The following ERBB4 variants were observed in gnomAD, a reference collection of about 807,000 sequenced individuals.
The protein encoded by ERBB4 is erb-b2 receptor tyrosine kinase 4, also known as receptor tyrosine-protein kinase erbB-4.
A neutral mutation model predicts 158.0 loss-of-function variants in ERBB4; 42 were observed. That is an observed-to-expected ratio of 0.27 (90% CI 0.21 to 0.34). The LOEUF (loss-of-function observed/expected upper bound fraction) is 0.34, where lower values mean the gene tolerates loss of function less well. Among genes scored for constraint, ERBB4 ranks in the 10% least tolerant of loss-of-function variants. The pLI is 1.00. For synonymous variants in ERBB4, 583 were observed against 558.7 expected (o/e 1.04, Z -0.61); for missense variants, 1,333 against 1,624.1 (o/e 0.82, Z 3.08).
At chr2:212,203,583 A>G (rs1237647481) in intron 1 of ERBB4, among the ~76,000 whole-genome samples, 2 of 152,226 alleles carry the variant, frequency 1.3e-5, no homozygotes, top group African/African-American at 2.4e-5. Context: ...GAATCATTCT[A>G]TACTTTGGAA....
At position 211,376,494 on chromosome 2, in the gene ERBB4, C is replaced by T. The variant is rs1419478641; in HGVS notation, c.*7121G>A. 8.6e-6 allele frequency: 2 copies of T among 232,490 alleles called. No individual in the cohort carries two copies. The highest frequency in any genetic ancestry group is 4.4e-5 in the African/African-American group (2 of 45,256). The allele number at this position is 232,490 out of a possible 1,614,324, so 14.4% of individuals were successfully genotyped here. On this transcript the variant is annotated 3_prime_UTR_variant, in exon 28 of 28. Coordinates refer to ENST00000342788, the MANE Select transcript of ERBB4 (RefSeq NM_005235.3). ...TTTGAATGCAGGGATTTAAATAAAA[C>T]ATTGATGGCTTACCAGCAAGGTATT...
At chr2:211,630,440 A>C (rs763449606) in intron 17 of ERBB4, 22 bp downstream of exon 17, 1 of 1,612,926 alleles carries the variant, frequency 6.2e-7, no homozygotes, top group Non-Finnish European at 8.5e-7. Context: ...AAACACATGA[A>C]GAGGAGAAAG....
At position 211,953,420 on chromosome 2, in the gene ERBB4, C is replaced by T. The variant is rs2080933690; in HGVS notation, c.235-5804G>A. ...AATAAAACAAAATAAAATCTAATTT[C>T]TGAGTTACTGGCGATGTCTTTGATA... On this transcript the variant is annotated intron_variant, in intron 2 of 27. Transcript: ENST00000342788. Among the ~76,000 whole-genome samples the T allele has an allele frequency of 2.9e-5, 4 of 136,936 alleles. No homozygotes were observed. The Admixed American group carries it at 3.2e-4, about 11-fold the overall frequency. 89.8% of individuals were successfully genotyped at this position (136,936 alleles called of 152,430 possible). A position where few individuals can be genotyped will look rare whatever the true frequency, so the allele number is the denominator to read the frequency against.
intron 25 of ERBB4, among the ~76,000 whole-genome samples, chr2:211,394,836 G>A (rs1402995459): frequency 6.6e-6 from 1 of 152,034 alleles, no homozygotes. Flanking sequence ...CACAGACCTA[G>A]AACAAATGGT....
intron 1 of ERBB4, among the ~76,000 whole-genome samples, chr2:212,130,187 A>G (rs1430517346): frequency 6.6e-6 from 1 of 152,148 alleles, no homozygotes. Context: ...CAATACTATT[A>G]TAAAGTCCTT....
chr2:211,436,666 T>G (rs1043211429), intron 20 of ERBB4, among the ~76,000 whole-genome samples: 2 of 152,188 alleles, frequency 1.3e-5, no homozygotes, highest in Admixed American at 1.3e-4. Flanking sequence ...TTTCAGAAAA[T>G]CTGTGAACCT....
chr2:212,098,871 T>G (rs1039668963), intron 2 of ERBB4, among the ~76,000 whole-genome samples: 2 of 152,158 alleles, frequency 1.3e-5, no homozygotes, highest in African/African-American at 4.8e-5. Flanking sequence ...TATTCAGGAA[T>G]GATGCAGAAA....
At chr2:212,275,649 G>A (rs1402549575) in intron 1 of ERBB4, among the ~76,000 whole-genome samples, 1 of 151,760 alleles carries the variant, frequency 6.6e-6, no homozygotes, top group Non-Finnish European at 1.5e-5. Context: ...TTACCACCAG[G>A]CCTGCCTTAC....
Position 212,467,261 on chromosome 2 carries a change from G to A in ERBB4, c.82+71188C>T, listed in dbSNP as rs111582297. 7.8e-3 allele frequency among the ~76,000 whole-genome samples: 1,183 copies of A among 152,242 alleles called. 22 individuals carry two copies. Among genetic ancestry groups the A allele is most frequent in the African/African-American group, 0.027 (1,110 of 41,540 alleles). ...AAATTTGCATAAGTAATGAGGAGCC[G>A]AATGTTAATCACCAAGACAATGGGG... On this transcript the variant is annotated intron_variant, in intron 1 of 27. Transcript: ENST00000342788.
rs78155890 is a variant in ERBB4, at chr2:211,958,811, A to T, written c.235-11195T>A. Among the ~76,000 whole-genome samples the T allele has an allele frequency of 6.7e-3, 1,024 of 152,194 alleles. 3 individuals are homozygous for T. Among genetic ancestry groups the T allele is most frequent in the Non-Finnish European group, 0.012 (834 of 67,976 alleles). ...GAAAAATATTAGCTAAGAAAGAGTA[A>T]TTTCTCAAAAGTAACTGCAGCATGC... On this transcript the variant is annotated intron_variant, in intron 2 of 27. Transcript: ENST00000342788.
At chr2:211,987,940 T>C (rs559374435) in intron 2 of ERBB4, among the ~76,000 whole-genome samples, 9 of 152,296 alleles carry the variant, frequency 5.9e-5, no homozygotes, top group African/African-American at 2.2e-4. Flanking sequence ...AAGTTCAACA[T>C]TTCTAAGAGC....
intron 1 of ERBB4, among the ~76,000 whole-genome samples, chr2:212,357,834 G>A (rs1249590599): frequency 6.6e-6 from 1 of 151,782 alleles, no homozygotes; most frequent in African/African-American, 2.4e-5. Context: ...TGGTGTGGGG[G>A]GACAAAGTAT....
chr2:211,554,696 C>G (rs2125708191), intron 20 of ERBB4, among the ~76,000 whole-genome samples: 1 of 152,300 alleles, frequency 6.6e-6, no homozygotes, highest in South Asian at 2.1e-4. Flanking sequence ...TGGCTTTTAA[C>G]TGGAACCCAA....
In ERBB4 at chr2:212,092,154, G is replaced by A. The variant is rs989191232; in HGVS notation, c.234+32598C>T. On this transcript the variant is annotated intron_variant, in intron 2 of 27. Coordinates refer to ENST00000342788, the MANE Select transcript of ERBB4 (RefSeq NM_005235.3). ...AAAACTGCCTAATTATGATCATTGT[G>A]TGTACATAATTTTCATGTATTTTGT... Among the ~76,000 whole-genome samples, 4 of 152,146 alleles carry A rather than the reference G, an allele frequency of 2.6e-5. No individual in the cohort carries two copies. In the East Asian group the frequency reaches 5.8e-4, roughly 22 times the overall value.
chr2:212,052,570 T>C (rs558251893), intron 2 of ERBB4, among the ~76,000 whole-genome samples: 2 of 152,336 alleles, frequency 1.3e-5, no homozygotes, highest in African/African-American at 4.8e-5. Context: ...TAAAAGTTAC[T>C]TAAAATGTGA....
intron 2 of ERBB4, among the ~76,000 whole-genome samples, chr2:212,038,256 CTTTA>C (rs952542598): frequency 6.6e-5 from 10 of 151,836 alleles, no homozygotes; most frequent in African/African-American, 2.4e-4. Context: ...ATATTAGTCT[CTTTA>C]TTTATATATA....
chr2:211,661,320 GAAC>G (rs749050088), intron 15 of ERBB4, among the ~76,000 whole-genome samples: 26 of 152,074 alleles, frequency 1.7e-4, no homozygotes, highest in East Asian at 1.4e-3. Flanking sequence ...CCAGATCACA[GAAC>G]AACAGAAACA....
chr2:211,987,330 CAAAA>C (rs564412801), intron 2 of ERBB4, among the ~76,000 whole-genome samples: 12 of 56,186 alleles, frequency 2.1e-4, no homozygotes, highest in South Asian at 7.7e-4. Context: ...CAAGAAAAGA[CAAAA>C]AAAAAAAAAA....
chr2:212,242,484 C>T (rs763317357), intron 1 of ERBB4, among the ~76,000 whole-genome samples: 1 of 151,986 alleles, frequency 6.6e-6, no homozygotes, highest in Non-Finnish European at 1.5e-5. Context: ...AAATAGTTTG[C>T]TTTAAACCCA....
Sources: allele counts gnomAD v4.1 joint callset (sites outside exome capture counted in the v4.1 genomes callset), GRCh38; gene constraint gnomAD v4.1.1; transcripts MANE v1.5; gene names NCBI Gene and HGNC (gene_info 2026-07-23, HGNC 2026-07-21).